EYA4: variants seen among roughly 807,000 people sequenced by gnomAD.
The protein encoded by EYA4 is EYA transcriptional coactivator and phosphatase 4.
A neutral mutation model predicts 87.9 loss-of-function variants in EYA4; 31 were observed. The ratio of observed to expected loss-of-function variants is 0.35; its 90% confidence interval spans 0.27 to 0.48. EYA4 has a LOEUF of 0.48. EYA4 is among the 20% of genes least tolerant of loss of function. The pLI is 0.99. For missense variants in EYA4, 678 were observed against 761.4 expected (o/e 0.89, Z 1.29); for synonymous variants, 263 against 270.6 (o/e 0.97, Z 0.28).
intron 2 of EYA4, chr6:133,325,127 G>T (rs1005305058): frequency 6.6e-6 from 1 of 152,320 alleles, no homozygotes; most frequent in African/African-American, 2.4e-5. Flanking sequence ...AGCCAGGATG[G>T]TCTCAATCTC....
intron 3 of EYA4, among the ~76,000 whole-genome samples, chr6:133,423,725 G>T (rs551054942): frequency 6.6e-6 from 1 of 152,280 alleles, no homozygotes; most frequent in South Asian, 2.1e-4. Context: ...TGCCAATGAA[G>T]CCGTTACCAC....
At chr6:133,435,221 A>G (rs1037083095) in intron 3 of EYA4, 1 of 152,208 alleles carries the variant, frequency 6.6e-6, no homozygotes, top group South Asian at 2.1e-4. Flanking sequence ...AAAAATTGCA[A>G]AAGTGTCCAG....
intron 2 of EYA4, among the ~76,000 whole-genome samples, chr6:133,333,870 T>A (rs551474810): frequency 6.6e-6 from 1 of 152,288 alleles, no homozygotes; most frequent in South Asian, 2.1e-4. Context: ...AAGACAAACT[T>A]TTTTTCAGAT....
In EYA4 at chr6:133,461,080, A is replaced by C. The variant is rs527603133; in HGVS notation, c.371-34A>C. ...TCTAGTGAAATGTATTTATGAAGCA[A>C]CCTTTGGTGCACTGGTATTTTTGTG... On this transcript the variant is annotated intron_variant, in intron 6 of 19. Coordinates refer to ENST00000355286, the MANE Select transcript of EYA4 (RefSeq NM_004100.5). 8 of 1,473,828 alleles carry C rather than the reference A, an allele frequency of 5.4e-6. No homozygotes were observed. In the East Asian group the frequency reaches 1.6e-4, roughly 29 times the overall value. 91.3% of individuals were successfully genotyped at this position (1,473,828 alleles called of 1,614,324 possible). A position where few individuals can be genotyped will look rare whatever the true frequency, so the allele number is the denominator to read the frequency against.
intron 2 of EYA4, among the ~76,000 whole-genome samples, chr6:133,329,614 G>T (rs940423504): frequency 6.6e-6 from 1 of 152,020 alleles, no homozygotes; most frequent in African/African-American, 2.4e-5. Context: ...AAATGTGGAT[G>T]CCCATGAATG....
chr6:133,274,917 A>G (rs1394659881), intron 2 of EYA4, 104 bp downstream of exon 2: 2 of 887,936 alleles, frequency 2.3e-6, no homozygotes, highest in Non-Finnish European at 3.6e-6. Context: ...CATTAAATAT[A>G]TTTTTAAATG....
chr6:133,365,699 T>C (rs1784805010), intron 2 of EYA4, among the ~76,000 whole-genome samples: 1 of 152,050 alleles, frequency 6.6e-6, no homozygotes, highest in African/African-American at 2.4e-5. Flanking sequence ...GTAATTTCAG[T>C]GGGCTGTGGG....
intron 13 of EYA4, among the ~76,000 whole-genome samples, chr6:133,489,773 ATCTG>A (rs1796984411): frequency 6.6e-6 from 1 of 152,038 alleles, no homozygotes; most frequent in African/African-American, 2.4e-5. Flanking sequence ...GAGTTCTTCA[ATCTG>A]AAAGAAAGGG....
At chr6:133,356,044 A>C (rs1783997939) in intron 2 of EYA4, among the ~76,000 whole-genome samples, 1 of 117,160 alleles carries the variant, frequency 8.5e-6, no homozygotes, top group Admixed American at 8.0e-5. Context: ...AGAGAGAAAG[A>C]GAGAAAGAGA....
Position 133,273,896 on chromosome 6 carries a change from TGTG to T in EYA4, c.-65-819_-65-817del, listed in dbSNP as rs1219834280. 5.9e-5 allele frequency among the ~76,000 whole-genome samples: 9 copies of T among 151,806 alleles called. No individual in the cohort carries two copies. In the South Asian group the frequency reaches 1.0e-3, roughly 18 times the overall value. ...TTTTTCTGTGCCTTTTAATTTTCAT[TGTG>T]TGTGTGTGGGTGTGTGTGTGTGCGT... On this transcript the variant is annotated intron_variant, in intron 1 of 19. Coordinates refer to ENST00000355286, the MANE Select transcript of EYA4 (RefSeq NM_004100.5).
At chr6:133,463,354 C>CTTT (rs571663764) in intron 9 of EYA4, among the ~76,000 whole-genome samples, 43 of 115,246 alleles carry the variant, frequency 3.7e-4, no homozygotes, top group Non-Finnish European at 4.8e-4. Flanking sequence ...TGTGTTTTAT[C>CTTT]TTTTTTTTTT....
At chr6:133,403,962 G>A (rs1788481014) in intron 3 of EYA4, among the ~76,000 whole-genome samples, 1 of 152,038 alleles carries the variant, frequency 6.6e-6, no homozygotes, top group Non-Finnish European at 1.5e-5. Context: ...AGTTGTGCGT[G>A]TGCCACCACA....
intron 3 of EYA4, among the ~76,000 whole-genome samples, chr6:133,402,106 C>CA (rs1159531776): frequency 2.0e-5 from 3 of 151,986 alleles, no homozygotes; most frequent in Non-Finnish European, 4.4e-5. Flanking sequence ...ATCATTTCAG[C>CA]AAAAACCCAT....
Position 133,351,683 on chromosome 6 carries a change from T to C in EYA4, c.34-30709T>C, listed in dbSNP as rs79366598. 8.4e-3 allele frequency among the ~76,000 whole-genome samples: 1,275 copies of C among 152,334 alleles called. 19 individuals are homozygous for C. Among genetic ancestry groups the C allele is most frequent in the African/African-American group, 0.027 (1,133 of 41,564 alleles). On this transcript the variant is annotated intron_variant, in intron 2 of 19. Transcript: ENST00000355286. Reference sequence around the variant, plus strand: ...CATCTAAAATCAACCATTTCACTTATTTCTCTGGATTTCTAAATGTTTCAT... The same window carrying C: ...CATCTAAAATCAACCATTTCACTTACTTCTCTGGATTTCTAAATGTTTCAT...
At chr6:133,377,545 G>A (rs1157651928) in intron 2 of EYA4, among the ~76,000 whole-genome samples, 1 of 146,512 alleles carries the variant, frequency 6.8e-6, no homozygotes. Context: ...AAACAACGCA[G>A]AAGTTGTTTT....
Position 133,515,362 on chromosome 6 carries a change from A to G in EYA4, c.1543A>G (p.Arg515Gly). Residue 515 changes from arginine to glycine, a missense_variant, in exon 17 of 20, where the codon AGG becomes GGG. Physicochemically the swap from Arg to Gly is moderately radical, Grantham distance 125. Coordinates refer to ENST00000355286, the MANE Select transcript of EYA4 (RefSeq NM_004100.5). ...PAKRDAWLQL[R>G]AEIEGLTDSW... The stretch of plus-strand genomic sequence containing the variant: ...CAAGAGGGATGCCTGGCTACAGTTA[A>G]GGGCAGAGATTGAAGGTCTGACAGA... The G allele has an allele frequency of 3.1e-6, 5 of 1,613,914 alleles. No individual in the cohort carries two copies. Among genetic ancestry groups the G allele is most frequent in the Non-Finnish European group, 4.2e-6 (5 of 1,179,762 alleles).
chr6:133,486,640 G>A (rs996242736), intron 13 of EYA4, among the ~76,000 whole-genome samples: 1 of 152,200 alleles, frequency 6.6e-6, no homozygotes, highest in Non-Finnish European at 1.5e-5. Context: ...TGGGGTATGT[G>A]ACTGAGGAAG....
chr6:133,412,697 T>C (rs1185753542), intron 3 of EYA4, among the ~76,000 whole-genome samples: 17 of 152,244 alleles, frequency 1.1e-4, no homozygotes. Context: ...GGTCTCTGAA[T>C]GATCTTTGCT....
intron 3 of EYA4, among the ~76,000 whole-genome samples, chr6:133,416,933 G>A (rs1789767907): frequency 1.3e-5 from 2 of 152,202 alleles, no homozygotes; most frequent in South Asian, 2.1e-4. Context: ...GCCACTGTGG[G>A]TGCAGGGTAG....
Sources: allele counts gnomAD v4.1 joint callset (sites outside exome capture counted in the v4.1 genomes callset), GRCh38; gene constraint gnomAD v4.1.1; transcripts MANE v1.5; gene names NCBI Gene and HGNC (gene_info 2026-07-23, HGNC 2026-07-21).